FAT4: variants seen among roughly 807,000 people sequenced by gnomAD.
FAT4 encodes protocadherin Fat 4.
Under a neutral mutation model 303.9 loss-of-function variants are expected in FAT4, and 84 were observed. The ratio of observed to expected loss-of-function variants is 0.28; its 90% CI spans 0.23 to 0.33. The LOEUF (loss-of-function observed/expected upper bound fraction) is 0.33, where lower values mean the gene tolerates loss of function less well. Among genes scored for constraint, FAT4 ranks in the 10% least tolerant of loss-of-function variants. FAT4 has a pLI of 1.00. For missense variants in FAT4, 6,005 were observed against 6,146.8 expected (o/e 0.98, Z 0.77); for synonymous variants, 2,307 against 2,298.8 (o/e 1.00, Z -0.10).
intron 2 of FAT4, among the ~76,000 whole-genome samples, chr4:125,376,440 G>A (rs1482385242): frequency 6.6e-6 from 1 of 152,066 alleles, no homozygotes; most frequent in African/African-American, 2.4e-5. Flanking sequence ...TCGTGACCGG[G>A]GCCTGTCGTG....
intron 8 of FAT4, among the ~76,000 whole-genome samples, chr4:125,445,299 A>G (rs1464222439): frequency 1.3e-5 from 2 of 152,148 alleles, no homozygotes; most frequent in African/African-American, 4.8e-5. Context: ...AGCTGTGAGC[A>G]TAATAGGAGA....
chr4:125,318,807 G>C lies in FAT4; in HGVS notation c.2396G>C (p.Ser799Thr). ...NPPVFSQVAY[S>T]FVVFENVALG... ...CCTGTATTCAGTCAGGTTGCCTACA[G>C]CTTTGTGGTTTTTGAGAACGTGGCG... The change falls in exon 2 of 18, where the codon AGC (serine) becomes ACC (threonine). Residue 799 changes from serine to threonine, a missense_variant. Coordinates refer to ENST00000394329, the MANE Select transcript of FAT4 (RefSeq NM_001291303.3). 6.2e-7 allele frequency: 1 copy of C among 1,614,182 alleles called. No homozygotes were observed. The highest frequency in any genetic ancestry group is 8.5e-7 in the Non-Finnish European group (1 of 1,180,038).
In FAT4 at chr4:125,317,526, A is replaced by T. The variant is rs1396930165; in HGVS notation, c.1115A>T (p.Gln372Leu). Residue 372 changes from glutamine (Q) to leucine (L), a missense_variant, in exon 2 of 18, where the codon CAA (glutamine) becomes CTA (leucine). Physicochemically the swap from Gln to Leu is moderately radical, Grantham distance 113. Coordinates refer to ENST00000394329, the MANE Select transcript of FAT4 (RefSeq NM_001291303.3). The surrounding 1 kb of genome is among the most constrained non-coding windows in gnomAD (Gnocchi z 7.0). The stretch of plus-strand genomic sequence containing the variant: ...TACGCCTCGGTAGATGAGAATGCTC[A>T]AGTGGGCACCGTGGTGGCTCTGCTC... ...SRYASVDENA[Q>L]VGTVVALLTV... 1.2e-6 allele frequency: 2 copies of T among 1,613,830 alleles called. No homozygotes were observed. The highest frequency in any genetic ancestry group is 2.2e-5 in the South Asian group (2 of 91,080).
In FAT4 at chr4:125,318,891, G is replaced by T. The variant is rs1165814436; in HGVS notation, c.2480G>T (p.Ser827Ile). Residue 827 changes from serine (S) to isoleucine (I), a missense_variant, in exon 2 of 18, where the codon AGT becomes ATT. By Grantham distance (142) the Ser-to-Ile change is moderately radical (BLOSUM62 -2). Coordinates refer to ENST00000394329, the MANE Select transcript of FAT4 (RefSeq NM_001291303.3). The part of the protein sequence containing the change: ...ASTMDLNSNI[S>I]YLITTGDQKG... ...ACCATGGATCTCAATTCCAACATCA[G>T]TTATCTCATTACTACTGGGGATCAG... 4 of 1,614,042 alleles carry T rather than the reference G, an allele frequency of 2.5e-6. No individual in the cohort carries two copies. The East Asian group carries it at 8.9e-5, about 36-fold the overall frequency.
In FAT4 at chr4:125,342,683, T is replaced by G. The variant is rs563925065; in HGVS notation, c.5175+21097T>G. On this transcript the variant is annotated intron_variant, in intron 2 of 17. Coordinates refer to ENST00000394329, the MANE Select transcript of FAT4 (RefSeq NM_001291303.3). ...AAACTTAACTATTGACTTAAAAATT[T>G]TGTAGACGTCATCATATATGTTTGA... Among the ~76,000 whole-genome samples the G allele has an allele frequency of 7.2e-5, 11 of 151,940 alleles. No individual in the cohort carries two copies. The South Asian group carries it at 2.3e-3, about 32-fold the overall frequency.
intron 2 of FAT4, among the ~76,000 whole-genome samples, chr4:125,376,421 C>T (rs1011108785): frequency 3.3e-5 from 5 of 151,662 alleles, no homozygotes; most frequent in African/African-American, 7.3e-5. Context: ...CATCACACAC[C>T]GGGGCCTGTC....
At chr4:125,434,447 A>C in intron 8 of FAT4, 22 bp downstream of exon 8, 1 of 1,609,826 alleles carries the variant, frequency 6.2e-7, no homozygotes, top group African/African-American at 1.3e-5. Context: ...TTCCTTTGTA[A>C]AGTTTGTCTG....
rs561664626 is a variant in FAT4, at chr4:125,415,152, A to T, written c.6189A>T (p.Thr2063=). The change falls in exon 6 of 18, where the codon ACA becomes ACT. Residue 2063 remains threonine, a synonymous_variant. Coordinates refer to ENST00000394329, the MANE Select transcript of FAT4 (RefSeq NM_001291303.3). The part of the protein sequence containing the change: ...SPKLTYIPEN[T]PIDTVVFKAQ... ...AATTGACATACATTCCAGAAAATACACCTATTGATACTGTTGTTTTCAAAG... is the reference window on the plus strand; with the variant it reads ...AATTGACATACATTCCAGAAAATACTCCTATTGATACTGTTGTTTTCAAAG... The T allele has an allele frequency of 2.5e-6, 4 of 1,613,938 alleles. No individual in the cohort carries two copies. The South Asian group carries it at 3.3e-5, about 13-fold the overall frequency.
chr4:125,367,249 C>G (rs1732920442), intron 2 of FAT4, among the ~76,000 whole-genome samples: 1 of 152,084 alleles, frequency 6.6e-6, no homozygotes, highest in Non-Finnish European at 1.5e-5. Flanking sequence ...TTACTGGAAG[C>G]AATTATTGGT....
Position 125,449,436 on chromosome 4 carries a change from G to A in FAT4, c.8426G>A (p.Ser2809Asn). Residue 2809 changes from serine (S) to asparagine (N), a missense_variant, in exon 10 of 18, where the codon AGT (serine) becomes AAT (asparagine). Coordinates refer to ENST00000394329, the MANE Select transcript of FAT4 (RefSeq NM_001291303.3). Reference sequence around the variant, plus strand: ...GAAGACATTGGGATCAATGCAATTAGTAGATATTCTATAATGGATGCAAGT... The same window carrying A: ...GAAGACATTGGGATCAATGCAATTAATAGATATTCTATAATGGATGCAAGT... ...SDEDIGINAI[S>N]RYSIMDASLP... 1 of 1,613,854 alleles carries A rather than the reference G, an allele frequency of 6.2e-7. No individual in the cohort carries two copies. Among genetic ancestry groups the A allele is most frequent in the Non-Finnish European group, 8.5e-7 (1 of 1,179,854 alleles).
intron 7 of FAT4, among the ~76,000 whole-genome samples, chr4:125,427,244 A>AT (rs968683902): frequency 1.3e-5 from 2 of 151,700 alleles, no homozygotes; most frequent in African/African-American, 4.8e-5. Flanking sequence ...CATTTTAACG[A>AT]TTTTTTAAGT....
At chr4:125,351,664 A>C (rs1284025359) in intron 2 of FAT4, among the ~76,000 whole-genome samples, 1 of 151,694 alleles carries the variant, frequency 6.6e-6, no homozygotes, top group Non-Finnish European at 1.5e-5. Flanking sequence ...CCAAACTCCC[A>C]TATGAAGTGA....
At chr4:125,458,218 C>T (rs879536052) in intron 10 of FAT4, among the ~76,000 whole-genome samples, 15 of 151,946 alleles carry the variant, frequency 9.9e-5, no homozygotes, top group Middle Eastern at 3.4e-3. Context: ...AATTAAGTCC[C>T]GATATTTCAG....
At position 125,449,420 on chromosome 4, in the gene FAT4, G is replaced by A. The variant is rs950217797; in HGVS notation, c.8410G>A (p.Gly2804Arg). The A allele has an allele frequency of 1.9e-6, 3 of 1,613,600 alleles. No individual in the cohort carries two copies. Among genetic ancestry groups the A allele is most frequent in the Non-Finnish European group, 2.5e-6 (3 of 1,179,820 alleles). Residue 2804 changes from glycine (G) to arginine (R), a missense_variant, in exon 10 of 18, where the codon GGG (glycine) becomes AGG (arginine). Coordinates refer to ENST00000394329, the MANE Select transcript of FAT4 (RefSeq NM_001291303.3). ...TGTCACAACTTCTGATGAAGACATT[G>A]GGATCAATGCAATTAGTAGATATTC... is the stretch of plus-strand genomic sequence containing the variant. ...TRVTTSDEDI[G>R]INAISRYSIM...
rs1560755107 is a variant in FAT4 at position 125,319,343 on chromosome 4, T to G, written c.2932T>G (p.Ser978Ala). Residue 978 changes from serine to alanine, a missense_variant, in exon 2 of 18, where the codon TCT becomes GCT. Ser to Ala is a moderately conservative substitution (Grantham distance 99). Transcript: ENST00000394329. ...TGACATGGGTGTCCCACAGCTCTCC[T>G]CTAGTGTCATCTTAACAGTTTATGT... ...ASDMGVPQLS[S>A]SVILTVYVHD... The G allele has an allele frequency of 6.2e-7, 1 of 1,613,296 alleles. No individual in the cohort carries two copies. Among genetic ancestry groups the G allele is most frequent in the East Asian group, 2.2e-5 (1 of 44,860 alleles).
At position 125,451,796 on chromosome 4, in the gene FAT4, A is replaced by G. The variant is rs1726087314; in HGVS notation, c.10786A>G (p.Met3596Val). ...VVTKDSGVPQ[M>V]SSTGTVHITV... is the part of the protein sequence containing the mutation. ...TACCAAGGATTCTGGTGTTCCTCAA[A>G]TGTCTTCCACAGGAACTGTGCATAT... Residue 3596 changes from methionine (M) to valine (V), a missense_variant, in exon 10 of 18, where the codon ATG (methionine) becomes GTG (valine). Transcript: ENST00000394329. 1 of 1,614,006 alleles carries G rather than the reference A, an allele frequency of 6.2e-7. No homozygotes were observed. Among genetic ancestry groups the G allele is most frequent in the Non-Finnish European group, 8.5e-7 (1 of 1,180,028 alleles).
Position 125,490,727 on chromosome 4 carries a change from C to G in FAT4, c.13911C>G (p.Ile4637Met). The G allele has an allele frequency of 6.2e-7, 1 of 1,614,126 alleles. No homozygotes were observed. The highest frequency in any genetic ancestry group is 8.5e-7 in the Non-Finnish European group (1 of 1,180,014). ...ASSIAPSDADIIQHYKQFRSH... is the reference protein window; with the variant it reads ...ASSIAPSDADMIQHYKQFRSH... ...GCATCGCCCCTTCGGATGCAGACATCATTCAACACTACAAGCAGTTCCGCA... is the reference window on the plus strand; with the variant it reads ...GCATCGCCCCTTCGGATGCAGACATGATTCAACACTACAAGCAGTTCCGCA... The change falls in exon 18 of 18, where the codon ATC (isoleucine) becomes ATG (methionine). Residue 4637 changes from isoleucine to methionine, a missense_variant. Coordinates refer to ENST00000394329, the MANE Select transcript of FAT4 (RefSeq NM_001291303.3).
intron 8 of FAT4, among the ~76,000 whole-genome samples, chr4:125,444,902 T>C (rs543115443): frequency 1.3e-5 from 2 of 152,068 alleles, no homozygotes; most frequent in Non-Finnish European, 2.9e-5. Flanking sequence ...AACGTTAAGG[T>C]ATTTTGATTA....
intron 2 of FAT4, among the ~76,000 whole-genome samples, chr4:125,343,663 T>C (rs1263017340): frequency 6.6e-6 from 1 of 152,152 alleles, no homozygotes; most frequent in Non-Finnish European, 1.5e-5. Flanking sequence ...AAATACATAT[T>C]GACCCAGCTC....
Sources: gnomAD v4.1 joint callset for allele counts (sites outside exome capture counted in the v4.1 genomes callset) on GRCh38, gnomAD v4.1.1 for gene constraint, Gnocchi (gnomAD v3.1) non-coding constraint, MANE v1.5 for transcripts, NCBI Gene and HGNC (gene_info 2026-07-23, HGNC 2026-07-21) for gene names.